Variants in CTTNBP2 observed in about 807,000 individuals in gnomAD.
CTTNBP2 encodes the protein cortactin binding protein 2.
Under a neutral mutation model 156.9 loss-of-function variants are expected in CTTNBP2, and 108 were observed. That is an observed-to-expected ratio of 0.69 (90% CI 0.59 to 0.81). The LOEUF is 0.81. Among genes scored for constraint, CTTNBP2 ranks in the 30% least tolerant of loss-of-function variants. The pLI, the probability that CTTNBP2 is intolerant of heterozygous loss-of-function variation, is 0.00. For synonymous variants in CTTNBP2, 767 were observed against 751.8 expected (o/e 1.02, Z -0.33); for missense variants, 1,924 against 2,035.4 (o/e 0.95, Z 1.05).
chr7:117,725,129 T>C lies in CTTNBP2; in HGVS notation c.4184A>G (p.Gln1395Arg), dbSNP rs1237185777. 1 of 1,613,498 alleles carries C rather than the reference T, an allele frequency of 6.2e-7. No individual in the cohort carries two copies. Among genetic ancestry groups the C allele is most frequent in the Non-Finnish European group, 8.5e-7 (1 of 1,180,024 alleles). ...TTAKRHPSQG[Q>R]QAVVKAALSI... Reference sequence around the variant, plus strand: ...GAGAGCAGCTTTGACCACAGCCTGCTGTCCTTGGCTAGGGTGTCTTTTAGC... The same window carrying C: ...GAGAGCAGCTTTGACCACAGCCTGCCGTCCTTGGCTAGGGTGTCTTTTAGC... Residue 1395 changes from glutamine (Q) to arginine (R), a missense_variant, in exon 18 of 23, where the codon CAG becomes CGG. Coordinates refer to ENST00000160373, the MANE Select transcript of CTTNBP2 (RefSeq NM_033427.3).
intron 1 of CTTNBP2, among the ~76,000 whole-genome samples, chr7:117,869,761 G>A (rs1355539917): frequency 1.3e-5 from 2 of 151,460 alleles, no homozygotes; most frequent in Admixed American, 1.3e-4. Context: ...TCAAAAACTG[G>A]GGCAAACAGA....
At chr7:117,857,030 C>A (rs527695438) in intron 2 of CTTNBP2, among the ~76,000 whole-genome samples, 2 of 152,174 alleles carry the variant, frequency 1.3e-5, no homozygotes, top group Non-Finnish European at 2.9e-5. Flanking sequence ...AAATTTAATT[C>A]AAAAGCTTCT....
At chr7:117,870,491 C>T (rs1804512821) in intron 1 of CTTNBP2, among the ~76,000 whole-genome samples, 1 of 152,094 alleles carries the variant, frequency 6.6e-6, no homozygotes, top group South Asian at 2.1e-4. Context: ...AATCATTGTC[C>T]AAGTTTTTCT....
chr7:117,722,874 T>C (rs1377555501), intron 19 of CTTNBP2, among the ~76,000 whole-genome samples: 2 of 152,196 alleles, frequency 1.3e-5, no homozygotes, highest in African/African-American at 2.4e-5. Context: ...CAGAACCGCA[T>C]ATTTCCAGGA....
At chr7:117,818,959 GA>G (rs1800783990) in intron 2 of CTTNBP2, among the ~76,000 whole-genome samples, 2 of 152,194 alleles carry the variant, frequency 1.3e-5, no homozygotes, top group South Asian at 4.2e-4. Flanking sequence ...AACACAGGCT[GA>G]AAAAACACAT....
At chr7:117,794,787 T>C (rs1799218914) in intron 3 of CTTNBP2, among the ~76,000 whole-genome samples, 1 of 152,086 alleles carries the variant, frequency 6.6e-6, no homozygotes. Flanking sequence ...TACTTTATTC[T>C]ACTGGATAAA....
At chr7:117,784,833 A>G (rs867938622) in intron 4 of CTTNBP2, among the ~76,000 whole-genome samples, 2 of 152,212 alleles carry the variant, frequency 1.3e-5, no homozygotes, top group African/African-American at 4.8e-5. Context: ...TACAAGGTAA[A>G]GTTTTCCTCT....
chr7:117,829,167 G>A (rs951525156), intron 2 of CTTNBP2, among the ~76,000 whole-genome samples: 10 of 152,322 alleles, frequency 6.6e-5, no homozygotes, highest in African/African-American at 2.4e-4. Flanking sequence ...TTCTGTGTAG[G>A]TGGCACATAA....
chr7:117,852,809 A>C (rs1227122577), intron 2 of CTTNBP2, among the ~76,000 whole-genome samples: 1 of 152,102 alleles, frequency 6.6e-6, no homozygotes, highest in Non-Finnish European at 1.5e-5. Flanking sequence ...AAATGGTCTG[A>C]GCCCTCGTAG....
At chr7:117,765,468 T>A (rs1797437264) in intron 9 of CTTNBP2, among the ~76,000 whole-genome samples, 1 of 152,182 alleles carries the variant, frequency 6.6e-6, no homozygotes, top group South Asian at 2.1e-4. Flanking sequence ...GCACCTTGTC[T>A]AACATTACAC....
At chr7:117,822,368 G>T (rs894657502) in intron 2 of CTTNBP2, among the ~76,000 whole-genome samples, 78 of 151,654 alleles carry the variant, frequency 5.1e-4, no homozygotes, top group African/African-American at 1.8e-3. Flanking sequence ...TGTCTATTTT[G>T]CATTTCATTG....
chr7:117,789,797 T>G (rs1798893781), intron 4 of CTTNBP2, among the ~76,000 whole-genome samples: 1 of 152,130 alleles, frequency 6.6e-6, no homozygotes, highest in Non-Finnish European at 1.5e-5. Context: ...CTCCCCCATA[T>G]GAGTAGCAAA....
At chr7:117,836,725 G>A (rs1025710742) in intron 2 of CTTNBP2, among the ~76,000 whole-genome samples, 1 of 152,108 alleles carries the variant, frequency 6.6e-6, no homozygotes, top group African/African-American at 2.4e-5. Flanking sequence ...TACAGGAAAG[G>A]GGTTTAATTA....
Position 117,780,447 on chromosome 7 carries a change from T to A in CTTNBP2, c.2517A>T (p.Lys839Asn), listed in dbSNP as rs1046723360. The A allele has an allele frequency of 6.4e-7, 1 of 1,568,510 alleles. No individual in the cohort carries two copies. The highest frequency in any genetic ancestry group is 1.4e-5 in the African/African-American group (1 of 72,242). Residue 839 changes from lysine to asparagine, a missense_variant, in exon 7 of 23, where the codon AAA becomes AAT. By Grantham distance (94) the Lys-to-Asn change is moderately conservative. Transcript: ENST00000160373. ...AAAACAGACTGCTACTCACTGTGGT[T>A]TTTACACTTCGATTGGTTCCAGCTT... Reference protein sequence around the residue: ...LLEAGTNRSVKTTDGWTPVHA... With the variant: ...LLEAGTNRSVNTTDGWTPVHA...
intron 2 of CTTNBP2, among the ~76,000 whole-genome samples, chr7:117,828,448 T>C (rs1464993179): frequency 6.6e-6 from 1 of 152,224 alleles, no homozygotes; most frequent in Admixed American, 6.5e-5. Flanking sequence ...AGAGCTGGTC[T>C]TGCTTAAAGG....
intron 9 of CTTNBP2, among the ~76,000 whole-genome samples, chr7:117,764,476 G>C (rs1016500316): frequency 6.6e-6 from 1 of 152,102 alleles, no homozygotes; most frequent in Middle Eastern, 3.4e-3. Flanking sequence ...TCTTCCATAG[G>C]GAAGCTCTTA....
chr7:117,833,137 T>C (rs1801724227), intron 2 of CTTNBP2, among the ~76,000 whole-genome samples: 1 of 152,068 alleles, frequency 6.6e-6, no homozygotes, highest in African/African-American at 2.4e-5. Context: ...ATCCCATAAG[T>C]CCCACAAACA....
At chr7:117,793,709 A>G (rs919838154) in intron 3 of CTTNBP2, 4 of 152,166 alleles carry the variant, frequency 2.6e-5, no homozygotes, top group African/African-American at 7.2e-5. Context: ...ACAGAAAGGC[A>G]CTGTCTGTTC....
At chr7:117,746,151 G>A (rs1562968996) in intron 12 of CTTNBP2, 52 bp from the exon 13 acceptor site, 4 of 1,229,082 alleles carry the variant, frequency 3.3e-6, no homozygotes, top group South Asian at 2.5e-5. Flanking sequence ...ATTGATGAGA[G>A]AAAAAAGTGG....
Sources: gnomAD v4.1 joint callset for allele counts (sites outside exome capture counted in the v4.1 genomes callset) on GRCh38, gnomAD v4.1.1 for gene constraint, MANE v1.5 for transcripts, NCBI Gene and HGNC (gene_info 2026-07-23, HGNC 2026-07-21) for gene names.